Variants in CSMD1 observed in about 807,000 individuals in gnomAD.
CSMD1 encodes the protein CUB and sushi domain-containing protein 1.
CSMD1 carries 213 observed loss-of-function variants against 417.5 expected under a neutral mutation model. The ratio of observed to expected loss-of-function variants is 0.51; its 90% CI spans 0.46 to 0.57. The LOEUF is 0.57. Ranked by LOEUF, CSMD1 falls within the 20% of genes least tolerant of loss-of-function variation. The probability of loss-of-function intolerance (pLI) is 0.00; values close to 1 mark genes in which losing one functional copy is unlikely to be tolerated. For synonymous variants in CSMD1, 2,862 were observed against 1,736.8 expected (o/e 1.65, Z -16.11); for missense variants, 6,923 against 4,529.7 (o/e 1.53, Z -15.17).
At chr8:4,562,737 G>A (rs6980912) in intron 2 of CSMD1, among the ~76,000 whole-genome samples, 1 of 151,888 alleles carries the variant, frequency 6.6e-6, no homozygotes. Context: ...CCTTCAGACA[G>A]ATGCATGCTG....
At chr8:3,470,215 T>A (rs1817008341) in intron 11 of CSMD1, among the ~76,000 whole-genome samples, 1 of 152,198 alleles carries the variant, frequency 6.6e-6, no homozygotes. Context: ...TATATAACAT[T>A]TTGTTCAACA....
At chr8:3,229,693 C>G (rs758512619) in intron 27 of CSMD1, among the ~76,000 whole-genome samples, 8 of 151,966 alleles carry the variant, frequency 5.3e-5, no homozygotes, top group Non-Finnish European at 1.2e-4. Flanking sequence ...GGGCATGTTT[C>G]TATATTAAAA....
At chr8:3,494,632 G>T (rs928717282) in intron 10 of CSMD1, among the ~76,000 whole-genome samples, 2 of 152,034 alleles carry the variant, frequency 1.3e-5, no homozygotes. Context: ...ATAGATGACA[G>T]ACTGGATGGA....
chr8:4,417,730 T>C (rs1268094577), intron 3 of CSMD1, among the ~76,000 whole-genome samples: 1 of 152,054 alleles, frequency 6.6e-6, no homozygotes, highest in African/African-American at 2.4e-5. Flanking sequence ...AAGAGAATTT[T>C]GTGACTCTAA....
At chr8:3,471,121 C>A (rs772529069) in intron 11 of CSMD1, among the ~76,000 whole-genome samples, 9 of 152,240 alleles carry the variant, frequency 5.9e-5, no homozygotes, top group Admixed American at 5.2e-4. Context: ...TTGTACATTC[C>A]CACCAGCAGT....
Position 3,106,577 on chromosome 8 carries a change from G to A in CSMD1, c.6900C>T (p.Cys2300=), listed in dbSNP as rs777200830. The change falls in exon 46 of 70, where the codon TGC becomes TGT. Residue 2300 remains cysteine, a synonymous_variant. Transcript: ENST00000635120. The part of the protein sequence containing the change: ...YTLVGTDILT[C]KLSSQLQFEG... ...CAAACTGCAACTGGGAACTGAGCTTGCAAGTCAGAATGTCGGTCCCCACCA... is the reference window on the plus strand; with the variant it reads ...CAAACTGCAACTGGGAACTGAGCTTACAAGTCAGAATGTCGGTCCCCACCA... 1.2e-6 allele frequency: 2 copies of A among 1,613,788 alleles called. No homozygotes were observed. The highest frequency in any genetic ancestry group is 1.7e-6 in the Non-Finnish European group (2 of 1,179,846).
rs112958689 is a variant in CSMD1, at chr8:2,940,464, C to T, written c.10536-1720G>A. Among the ~76,000 whole-genome samples the T allele has an allele frequency of 1.5e-3, 234 of 152,222 alleles. 1 individual carries two copies. Among genetic ancestry groups the T allele is most frequent in the African/African-American group, 5.0e-3 (209 of 41,534 alleles). On this transcript the variant is annotated intron_variant, in intron 69 of 69. Transcript: ENST00000635120. ...CCAGTTGTGATGACGACAGATTCCC[C>T]ACCGACCCAGAGGAGGCATCACATT... is the stretch of plus-strand genomic sequence containing the variant.
At chr8:4,318,295 C>G (rs957429161) in intron 3 of CSMD1, among the ~76,000 whole-genome samples, 2 of 152,092 alleles carry the variant, frequency 1.3e-5, no homozygotes, top group East Asian at 3.9e-4. Flanking sequence ...ACTTTCTAAT[C>G]TTTGCAGACA....
chr8:3,887,499 T>C (rs1303496736), intron 5 of CSMD1, among the ~76,000 whole-genome samples: 2 of 152,204 alleles, frequency 1.3e-5, no homozygotes, highest in Non-Finnish European at 2.9e-5. Context: ...TGGCTGAACA[T>C]TAGAGTTGCC....
At chr8:3,905,054 T>C (rs1334000079) in intron 5 of CSMD1, among the ~76,000 whole-genome samples, 1 of 152,180 alleles carries the variant, frequency 6.6e-6, no homozygotes, top group African/African-American at 2.4e-5. Flanking sequence ...TCTCTGTGGT[T>C]CCTTCTCCAT....
intron 10 of CSMD1, among the ~76,000 whole-genome samples, chr8:3,502,614 A>G (rs993416192): frequency 1.3e-5 from 2 of 152,188 alleles, no homozygotes; most frequent in Non-Finnish European, 2.9e-5. Context: ...CAATTTTAGA[A>G]GGTGACGTGT....
chr8:3,424,576 T>C (rs1276943776), intron 12 of CSMD1, among the ~76,000 whole-genome samples: 2 of 152,242 alleles, frequency 1.3e-5, no homozygotes, highest in East Asian at 1.9e-4. Flanking sequence ...AGTAAAACAA[T>C]ATGACTTCAA....
At chr8:4,179,732 G>T (rs1479322364) in intron 3 of CSMD1, among the ~76,000 whole-genome samples, 1 of 95,248 alleles carries the variant, frequency 1.0e-5, no homozygotes, top group Admixed American at 1.3e-4. Flanking sequence ...AAATTTACAA[G>T]AAAAAAACAA....
chr8:4,089,085 C>G (rs192943127), intron 3 of CSMD1, among the ~76,000 whole-genome samples: 1 of 152,142 alleles, frequency 6.6e-6, no homozygotes. Flanking sequence ...CAAATAGTAC[C>G]ATGTAGGATT....
intron 3 of CSMD1, among the ~76,000 whole-genome samples, chr8:4,419,663 T>C (rs1483775754): frequency 3.3e-5 from 5 of 152,208 alleles, no homozygotes; most frequent in African/African-American, 7.2e-5. Context: ...AAGAGGGCTA[T>C]TAGTTTATAG....
At chr8:4,323,910 C>T (rs527922563) in intron 3 of CSMD1, among the ~76,000 whole-genome samples, 7 of 152,200 alleles carry the variant, frequency 4.6e-5, no homozygotes, top group Middle Eastern at 3.4e-3. Context: ...GAGTTCTGAG[C>T]CTGGGGGTGG....
intron 55 of CSMD1, 53 bp from the exon 56 acceptor site, chr8:2,974,677 G>A (rs1455485217): frequency 2.9e-6 from 4 of 1,393,436 alleles, no homozygotes; most frequent in South Asian, 2.9e-5. Context: ...AAACCACTTT[G>A]TATTGGAAAA....
chr8:4,223,302 C>A (rs1467770889), intron 3 of CSMD1, among the ~76,000 whole-genome samples: 1 of 152,224 alleles, frequency 6.6e-6, no homozygotes, highest in Non-Finnish European at 1.5e-5. Flanking sequence ...AATTCACCTG[C>A]ACACTCGTGG....
chr8:3,327,286 G>C (rs1806595481), intron 23 of CSMD1, among the ~76,000 whole-genome samples: 2 of 151,992 alleles, frequency 1.3e-5, no homozygotes, highest in African/African-American at 2.4e-5. Flanking sequence ...GGGACTACAG[G>C]CACCCACCAC....
Sources: gnomAD v4.1 joint callset for allele counts (sites outside exome capture counted in the v4.1 genomes callset) on GRCh38, gnomAD v4.1.1 for gene constraint, MANE v1.5 for transcripts, NCBI Gene and HGNC (gene_info 2026-07-23, HGNC 2026-07-21) for gene names.